The following KIF4A variants were observed in gnomAD, a reference collection of about 807,000 sequenced individuals.
The protein encoded by KIF4A is chromosome-associated kinesin KIF4A.
Under a neutral mutation model 105.9 loss-of-function variants are expected in KIF4A, and 7 were observed. The observed-to-expected ratio is 0.07, with a 90% CI of 0.04 to 0.12. KIF4A has a LOEUF of 0.12. KIF4A is among the 10% of genes least tolerant of loss of function. The pLI is 1.00. For synonymous variants in KIF4A, 281 were observed against 331.3 expected (o/e 0.85, Z 1.65); for missense variants, 558 against 929.2 (o/e 0.60, Z 5.19).
chrX:70,397,145 C>T (rs149355350), intron 22 of KIF4A, among the ~76,000 whole-genome samples: 197 of 111,227 alleles, frequency 1.8e-3, no homozygotes, highest in Middle Eastern at 0.014. Flanking sequence ...CCAAGGCAGG[C>T]AGATCACGAG....
chrX:70,407,027 A>T lies in KIF4A; in HGVS notation c.3207A>T (p.Glu1069Asp). Reference sequence around the variant, plus strand: ...ATGATGATGAGGGGGATGACGAGGAATGGAAGCCAACAAAATTAGTTAAGG... The same window carrying T: ...ATGATGATGAGGGGGATGACGAGGATTGGAAGCCAACAAAATTAGTTAAGG... ...DGDDDEGDDE[E>D]WKPTKLVKVS... Residue 1069 changes from glutamate (E) to aspartate (D), a missense_variant, in exon 28 of 31, where the codon GAA (glutamate) becomes GAT (aspartate). Physicochemically the swap from Glu to Asp is conservative, Grantham distance 45. Around this residue, in one of 2 missense-constraint regions of KIF4A, gnomAD observed 469 missense variants for 680.4 expected, o/e 0.69. Coordinates refer to ENST00000374403, the MANE Select transcript of KIF4A (RefSeq NM_012310.5). 1.7e-6 allele frequency: 2 copies of T among 1,206,687 alleles called. No homozygotes were observed. The highest frequency in any genetic ancestry group is 1.1e-6 in the Non-Finnish European group (1 of 892,628).
intron 7 of KIF4A, among the ~76,000 whole-genome samples, chrX:70,307,793 T>G (rs993515308): frequency 1.8e-5 from 2 of 112,292 alleles, no homozygotes; most frequent in Non-Finnish European, 3.8e-5. Flanking sequence ...TGTTTTTGTT[T>G]GTTTAGTGAC....
At chrX:70,405,744 A>G (rs766857989) in intron 25 of KIF4A, 84 bp from the exon 26 acceptor site, 146 of 670,802 alleles carry the variant, frequency 2.2e-4, no homozygotes, top group Non-Finnish European at 3.4e-4. Flanking sequence ...TGGCAGCAGT[A>G]TGTTTTCATC....
intron 13 of KIF4A, among the ~76,000 whole-genome samples, chrX:70,351,108 C>G (rs1417663533): frequency 1.8e-5 from 2 of 112,392 alleles, no homozygotes; most frequent in African/African-American, 6.5e-5. Context: ...CTCCTAGTTA[C>G]CTGGAGTAGC....
At chrX:70,360,603 C>T (rs1320081430) in intron 15 of KIF4A, among the ~76,000 whole-genome samples, 1 of 113,382 alleles carries the variant, frequency 8.8e-6, no homozygotes, top group Non-Finnish European at 1.9e-5. Context: ...ACCGTCACCT[C>T]AGTCCTGGTT....
At chrX:70,372,551 G>A (rs1030825172) in intron 15 of KIF4A, among the ~76,000 whole-genome samples, 55 of 114,406 alleles carry the variant, frequency 4.8e-4, no homozygotes, top group African/African-American at 1.7e-3. Context: ...GCTGAGGCAG[G>A]AGAATCAGGC....
intron 20 of KIF4A, among the ~76,000 whole-genome samples, chrX:70,392,958 C>A (rs763802881): frequency 1.1e-5 from 1 of 90,586 alleles, no homozygotes; most frequent in Non-Finnish European, 2.3e-5. Context: ...CCTCCTGGAT[C>A]TTTTTTTTTT....
chrX:70,360,941 A>G (rs2086072829), intron 15 of KIF4A, among the ~76,000 whole-genome samples: 1 of 112,765 alleles, frequency 8.9e-6, no homozygotes, highest in Admixed American at 9.3e-5. Context: ...CCCCCATGGG[A>G]ATGTGCACGT....
chrX:70,375,347 G>A lies in KIF4A; in HGVS notation c.1922G>A (p.Arg641Gln), dbSNP rs1172275787. The change falls in exon 17 of 31, where the codon CGG becomes CAG. Residue 641 changes from arginine (R) to glutamine (Q), a missense_variant and splice_region_variant. This residue lies in a region of KIF4A where 469 missense variants were observed against 680.4 expected (regional missense o/e 0.69). Coordinates refer to ENST00000374403, the MANE Select transcript of KIF4A (RefSeq NM_012310.5). Reference sequence around the variant, plus strand: ...GTCTCCAAACTGAACCAGGAGATACGGGTAATAAATTCTCATCCTTGCATT... The same window carrying A: ...GTCTCCAAACTGAACCAGGAGATACAGGTAATAAATTCTCATCCTTGCATT... Reference protein sequence around the residue: ...RTVSKLNQEIRMMKNQRVQLM... With the variant: ...RTVSKLNQEIQMMKNQRVQLM... The A allele has an allele frequency of 2.6e-5, 31 of 1,206,043 alleles. No homozygotes were observed. Among genetic ancestry groups the A allele is most frequent in the Non-Finnish European group, 3.4e-5 (30 of 892,968 alleles).
intron 28 of KIF4A, among the ~76,000 whole-genome samples, chrX:70,411,305 A>T (rs1046768023): frequency 1.2e-4 from 12 of 99,273 alleles, no homozygotes; most frequent in Non-Finnish European, 2.2e-4. Context: ...TTTAAAAATT[A>T]AAAAAAAAAA....
At chrX:70,293,631 G>A (rs2085769357) in intron 3 of KIF4A, among the ~76,000 whole-genome samples, 1 of 112,242 alleles carries the variant, frequency 8.9e-6, no homozygotes, top group South Asian at 3.7e-4. Flanking sequence ...TGAGCCTACT[G>A]CTCCTAGGCT....
chrX:70,347,923 C>T (rs1284471681), intron 13 of KIF4A, among the ~76,000 whole-genome samples: 2 of 77,775 alleles, frequency 2.6e-5, no homozygotes, highest in Non-Finnish European at 4.7e-5. Context: ...TGCAGTGAGC[C>T]GAGATCGCGC....
intron 7 of KIF4A, among the ~76,000 whole-genome samples, chrX:70,325,287 G>A (rs2085906743): frequency 9.0e-6 from 1 of 111,038 alleles, no homozygotes; most frequent in Admixed American, 9.6e-5. Context: ...CAATTTCTTT[G>A]TTTTTTTCTT....
At chrX:70,316,655 A>G (rs1419838360) in intron 7 of KIF4A, among the ~76,000 whole-genome samples, 1 of 111,963 alleles carries the variant, frequency 8.9e-6, no homozygotes, top group Non-Finnish European at 1.9e-5. Context: ...TATGAAATAC[A>G]TACATGTAAA....
intron 13 of KIF4A, among the ~76,000 whole-genome samples, chrX:70,350,671 C>T (rs1161751290): frequency 5.4e-5 from 6 of 111,078 alleles, no homozygotes; most frequent in Admixed American, 9.5e-5. Context: ...AGTGAAAGAG[C>T]GAGACTCTGT....
chrX:70,374,348 C>T (rs887189461), intron 16 of KIF4A, 94 bp downstream of exon 16: 1 of 508,721 alleles, frequency 2.0e-6, no homozygotes. Context: ...TTTACTGCCC[C>T]TAAAGATTTA....
At chrX:70,345,707 C>A (rs142805727) in intron 13 of KIF4A, among the ~76,000 whole-genome samples, 1,825 of 111,178 alleles carry the variant, frequency 0.016, 37 homozygotes, top group African/African-American at 0.056. Flanking sequence ...CTGATGCAAT[C>A]CTATCCGGAT....
At chrX:70,348,898 G>GGGT (rs1340225327) in intron 13 of KIF4A, among the ~76,000 whole-genome samples, 2 of 111,967 alleles carry the variant, frequency 1.8e-5, no homozygotes, top group African/African-American at 6.5e-5. Flanking sequence ...CTCCCAGACG[G>GGGT]GGCGGCCGGG....
At chrX:70,303,929 T>A (rs976051326) in intron 7 of KIF4A, among the ~76,000 whole-genome samples, 2 of 102,036 alleles carry the variant, frequency 2.0e-5, no homozygotes, top group Non-Finnish European at 4.0e-5. Flanking sequence ...TTTATTTTTT[T>A]ATTTTATTTT....
Sources: gnomAD v4.1 joint callset for allele counts (sites outside exome capture counted in the v4.1 genomes callset) on GRCh38, gnomAD v4.1.1 for gene constraint, gnomAD v4.1.1 regional missense constraint, MANE v1.5 for transcripts, NCBI Gene and HGNC (gene_info 2026-07-23, HGNC 2026-07-21) for gene names.